Variants in ABLIM1 observed in about 807,000 individuals in gnomAD.
ABLIM1 encodes actin binding LIM protein 1.
Under a neutral mutation model 107.0 loss-of-function variants are expected in ABLIM1, and 40 were observed. That is an observed-to-expected ratio of 0.37 (90% CI 0.29 to 0.49). ABLIM1 has a LOEUF of 0.49. Ranked by LOEUF, ABLIM1 falls within the 20% of genes least tolerant of loss-of-function variation. ABLIM1 has a pLI of 0.97. For synonymous variants in ABLIM1, 357 were observed against 357.3 expected (o/e 1.00, Z 0.01); for missense variants, 857 against 1,008.5 (o/e 0.85, Z 2.04).
intron 6 of ABLIM1, among the ~76,000 whole-genome samples, chr10:114,504,664 T>C (rs1292614768): frequency 6.6e-6 from 1 of 152,180 alleles, no homozygotes; most frequent in Non-Finnish European, 1.5e-5. Context: ...TTATAAGGGC[T>C]ACCCCAGTTT....
intron 1 of ABLIM1, among the ~76,000 whole-genome samples, chr10:114,753,200 A>C (rs1403168537): frequency 6.6e-6 from 1 of 152,176 alleles, no homozygotes; most frequent in African/African-American, 2.4e-5. Context: ...CTGGAGAAAT[A>C]AGCTGTTCCC....
At chr10:114,788,413 C>CAA in the ABLIM1 span, among the ~76,000 whole-genome samples, 95 of 129,026 alleles carry the variant, frequency 7.4e-4, 1 homozygote, top group South Asian at 0.011. Flanking sequence ...GAGTCAACTC[C>CAA]AAAAAAAAAA....
At position 114,453,418 on chromosome 10, in the gene ABLIM1, G is replaced by A. The variant is rs1461975840; in HGVS notation, c.1507C>T (p.Pro503Ser). Reference protein sequence around the residue: ...PYRPDSRPLTPTYAQAPKHFH... With the variant: ...PYRPDSRPLTSTYAQAPKHFH... The stretch of plus-strand genomic sequence containing the variant: ...TGTTTAGGGGCCTGAGCGTAAGTTG[G>A]AGTTAGAGGGCGGCTGTCTGGCCGG... Residue 503 changes from proline to serine, a missense_variant, in exon 13 of 23, where the codon CCA becomes TCA. By Grantham distance (74) the Pro-to-Ser change is moderately conservative. Coordinates refer to ENST00000533213, the MANE Select transcript of ABLIM1 (RefSeq NM_002313.7). 1.2e-6 allele frequency: 2 copies of A among 1,613,972 alleles called. No homozygotes were observed. The highest frequency in any genetic ancestry group is 1.7e-6 in the Non-Finnish European group (2 of 1,180,000).
rs59128795 is a variant in ABLIM1, at chr10:114,584,135, AAAAAGAAAAG to A, written c.380-8546_380-8537del. 8.0e-3 allele frequency among the ~76,000 whole-genome samples: 1,193 copies of A among 149,310 alleles called. 11 individuals are homozygous for A. Among genetic ancestry groups the A allele is most frequent in the African/African-American group, 0.028 (1,124 of 40,656 alleles). On this transcript the variant is annotated intron_variant, in intron 2 of 22. Coordinates refer to ENST00000533213, the MANE Select transcript of ABLIM1 (RefSeq NM_002313.7). ...TCTAAAGTAAAAGTCAAAATTAAGA[AAAAAGAAAAG>A]AAAAGAAAAGAAAAGAAAGTCCTGT...
chr10:114,526,371 A>T (rs1369580604), intron 6 of ABLIM1, among the ~76,000 whole-genome samples: 2 of 152,252 alleles, frequency 1.3e-5, no homozygotes, highest in Admixed American at 1.3e-4. Flanking sequence ...CTTGTTTAAA[A>T]GGTCAACGCA....
the ABLIM1 span, among the ~76,000 whole-genome samples, chr10:114,795,595 G>C: frequency 2.0e-5 from 3 of 152,038 alleles, no homozygotes; most frequent in African/African-American, 7.2e-5. Context: ...TGTAGTATCA[G>C]CCACTTGGGA....
At chr10:114,541,075 G>A (rs560992465) in intron 6 of ABLIM1, among the ~76,000 whole-genome samples, 2 of 152,204 alleles carry the variant, frequency 1.3e-5, no homozygotes, top group East Asian at 3.9e-4. Context: ...GAGACAACAC[G>A]CAAAAGGCGA....
intron 1 of ABLIM1, among the ~76,000 whole-genome samples, chr10:114,700,971 G>T (rs1463740619): frequency 1.3e-5 from 2 of 151,926 alleles, no homozygotes; most frequent in African/African-American, 4.8e-5. Context: ...TTCATCAAAA[G>T]ACACTATTAA....
At chr10:114,637,341 C>T (rs961202416) in intron 1 of ABLIM1, among the ~76,000 whole-genome samples, 5 of 152,206 alleles carry the variant, frequency 3.3e-5, no homozygotes, top group Non-Finnish European at 4.4e-5. Flanking sequence ...TGGACATTCA[C>T]TGCAATCTTA....
chr10:114,686,813 G>C (rs2080951150), upstream of ABLIM1, among the ~76,000 whole-genome samples: 1 of 151,368 alleles, frequency 6.6e-6, no homozygotes, highest in Admixed American at 6.6e-5. Flanking sequence ...TTTTAATAGA[G>C]ACAGAGTCTC....
chr10:114,714,529 G>T (rs1045772744), intron 1 of ABLIM1, among the ~76,000 whole-genome samples: 1 of 152,180 alleles, frequency 6.6e-6, no homozygotes, highest in Non-Finnish European at 1.5e-5. Context: ...TGTGACTGAG[G>T]TTACCAACAG....
chr10:114,608,093 C>T (rs2076548837), intron 1 of ABLIM1, among the ~76,000 whole-genome samples: 1 of 152,204 alleles, frequency 6.6e-6, no homozygotes, highest in Non-Finnish European at 1.5e-5. Flanking sequence ...GGCCGGGCAC[C>T]TTGGCTCATG....
chr10:114,582,599 G>T (rs1051057140), intron 2 of ABLIM1, among the ~76,000 whole-genome samples: 1 of 152,134 alleles, frequency 6.6e-6, no homozygotes, highest in Non-Finnish European at 1.5e-5. Context: ...CACATTATCT[G>T]ACTTCAAACT....
chr10:114,494,971 A>AC (rs1330921468), intron 6 of ABLIM1, among the ~76,000 whole-genome samples: 11 of 151,996 alleles, frequency 7.2e-5, no homozygotes, highest in African/African-American at 2.4e-5. Flanking sequence ...ATTTTCTTCA[A>AC]CCCCCTCATC....
upstream of ABLIM1, chr10:114,768,067 C>A (rs1331686556): frequency 7.0e-6 from 3 of 430,870 alleles, no homozygotes; most frequent in Non-Finnish European, 1.4e-5. Flanking sequence ...TCACCTCTGG[C>A]GGACATGGTG....
In ABLIM1 at chr10:114,595,787, G is replaced by A. The variant is rs2075357420; in HGVS notation, c.379+6040C>T. Among the ~76,000 whole-genome samples, 2 of 152,172 alleles carry A rather than the reference G, an allele frequency of 1.3e-5. 1 individual carries two copies. The highest frequency in any genetic ancestry group is 1.3e-4 in the Admixed American group (2 of 15,272). On this transcript the variant is annotated intron_variant, in intron 2 of 22. Transcript: ENST00000533213. ...GAATTAGGTTCTCCTTCCTTCAGAT[G>A]CTGCCATCTTCCAGTATTCAGTTCC...
intron 8 of ABLIM1, among the ~76,000 whole-genome samples, chr10:114,478,537 G>A (rs2056835645): frequency 6.6e-6 from 1 of 152,130 alleles, no homozygotes; most frequent in Non-Finnish European, 1.5e-5. Context: ...GAGACCTGGT[G>A]GTTTTATAAA....
chr10:114,767,583 C>G (rs2082927457), intron 1 of ABLIM1, among the ~76,000 whole-genome samples: 1 of 151,082 alleles, frequency 6.6e-6, no homozygotes, highest in Non-Finnish European at 1.5e-5. Context: ...AGGGGAGATT[C>G]ATGCAGAGGG....
At chr10:114,554,317 A>C (rs771308573) in intron 4 of ABLIM1, among the ~76,000 whole-genome samples, 2 of 152,228 alleles carry the variant, frequency 1.3e-5, no homozygotes, top group Non-Finnish European at 2.9e-5. Context: ...GAAATGGTGA[A>C]GCTCTGAAAT....
Sources: gnomAD v4.1 joint callset for allele counts (sites outside exome capture counted in the v4.1 genomes callset) on GRCh38, gnomAD v4.1.1 for gene constraint, MANE v1.5 for transcripts, NCBI Gene and HGNC (gene_info 2026-07-23, HGNC 2026-07-21) for gene names.